The following MCC variants were observed in gnomAD, a reference collection of about 807,000 sequenced individuals.
The protein encoded by MCC is MCC regulator of Wnt signaling pathway, also known as colorectal mutant cancer protein.
MCC carries 90 observed loss-of-function variants against 116.2 expected under a neutral mutation model. That is an observed-to-expected ratio of 0.77 (90% confidence interval 0.65 to 0.92). The LOEUF is 0.92. Among genes scored for constraint, MCC ranks in the 40% least tolerant of loss-of-function variants. The pLI is 0.00. For missense variants in MCC, 1,516 were observed against 1,312.2 expected (o/e 1.16, Z -2.40); for synonymous variants, 578 against 510.5 (o/e 1.13, Z -1.78).
At chr5:113,176,957 G>C (rs1761367594) in intron 3 of MCC, among the ~76,000 whole-genome samples, 1 of 152,132 alleles carries the variant, frequency 6.6e-6, no homozygotes, top group South Asian at 2.1e-4. Context: ...TTCTCCAAAG[G>C]AAGCGTAGAC....
chr5:113,175,882 T>C (rs1051363194), intron 3 of MCC, among the ~76,000 whole-genome samples: 4 of 151,914 alleles, frequency 2.6e-5, no homozygotes, highest in African/African-American at 4.8e-5. Context: ...GTGATCAGCA[T>C]AGATCTAGAT....
At chr5:113,122,544 A>G in intron 6 of MCC, 140 bp downstream of exon 6, 1 of 859,898 alleles carries the variant, frequency 1.2e-6, no homozygotes, top group African/African-American at 1.7e-5. Flanking sequence ...TGTGTAAGGG[A>G]CTGAAATACA....
intron 3 of MCC, among the ~76,000 whole-genome samples, chr5:113,207,244 T>C (rs546541840): frequency 3.9e-5 from 6 of 152,322 alleles, no homozygotes; most frequent in Non-Finnish European, 8.8e-5. Flanking sequence ...CAAATCATTC[T>C]GCCCCTTTAA....
At chr5:113,211,880 G>C (rs1763148119) in intron 3 of MCC, among the ~76,000 whole-genome samples, 1 of 152,206 alleles carries the variant, frequency 6.6e-6, no homozygotes, top group African/African-American at 2.4e-5. Flanking sequence ...AAAAATTGGA[G>C]TAGTTATGTG....
At chr5:113,076,579 T>G (rs775483540) in intron 11 of MCC, among the ~76,000 whole-genome samples, 2 of 152,098 alleles carry the variant, frequency 1.3e-5, no homozygotes, top group African/African-American at 2.4e-5. Flanking sequence ...AAGTGAAGAA[T>G]AAATAAAATC....
intron 6 of MCC, among the ~76,000 whole-genome samples, chr5:113,113,732 C>CCACTAACCTGATAA (rs1757233288): frequency 6.7e-6 from 1 of 148,972 alleles, no homozygotes; most frequent in African/African-American, 2.5e-5. Context: ...TTCTATGATA[C>CCACTAACCTGATAA]CACTAACCTG....
intron 6 of MCC, among the ~76,000 whole-genome samples, chr5:113,120,780 T>C (rs1757690710): frequency 6.6e-6 from 1 of 152,248 alleles, no homozygotes; most frequent in Admixed American, 6.5e-5. Flanking sequence ...TCAACAGTTA[T>C]CATCTGCAAA....
At chr5:113,380,078 G>A (rs952063050) in intron 2 of MCC, among the ~76,000 whole-genome samples, 1 of 152,150 alleles carries the variant, frequency 6.6e-6, no homozygotes, top group Non-Finnish European at 1.5e-5. Flanking sequence ...TTCCTCTTCC[G>A]AGCTGAGCAT....
chr5:113,203,359 C>T (rs1233262807), intron 3 of MCC: 1 of 152,362 alleles, frequency 6.6e-6, no homozygotes, highest in African/African-American at 2.4e-5. Flanking sequence ...AACTCAGTGA[C>T]TCAGCGCTGT....
intron 2 of MCC, among the ~76,000 whole-genome samples, chr5:113,346,116 C>T (rs1056804216): frequency 1.3e-5 from 2 of 152,148 alleles, no homozygotes; most frequent in African/African-American, 4.8e-5. Context: ...TCAAACAGAT[C>T]TCTCTCCCTG....
chr5:113,078,204 A>G (rs1246890667), intron 11 of MCC, among the ~76,000 whole-genome samples: 1 of 152,248 alleles, frequency 6.6e-6, no homozygotes, highest in Non-Finnish European at 1.5e-5. Flanking sequence ...AGACAGATTC[A>G]CAGCCGAATT....
intron 3 of MCC, among the ~76,000 whole-genome samples, chr5:113,297,749 C>CAAA (rs57148050): frequency 5.9e-3 from 348 of 59,354 alleles, no homozygotes; most frequent in Middle Eastern, 0.013. Context: ...GACTCTGTCT[C>CAAA]AAAAAAAAAA....
intron 1 of MCC, among the ~76,000 whole-genome samples, chr5:113,468,067 TGAG>T (rs1771967799): frequency 6.6e-6 from 1 of 152,216 alleles, no homozygotes; most frequent in Non-Finnish European, 1.5e-5. Context: ...CTTATCAGCT[TGAG>T]GAGATTTTGG....
intron 8 of MCC, among the ~76,000 whole-genome samples, chr5:113,094,659 A>T (rs1755894875): frequency 6.6e-6 from 1 of 151,852 alleles, no homozygotes; most frequent in South Asian, 2.1e-4. Flanking sequence ...TGACCTTGTG[A>T]CCCACCCGCC....
intron 16 of MCC, among the ~76,000 whole-genome samples, chr5:113,045,519 G>T (rs980842576): frequency 2.0e-5 from 3 of 152,168 alleles, no homozygotes; most frequent in Non-Finnish European, 4.4e-5. Context: ...ATTACTAGAG[G>T]CCAGGCACAG....
chr5:113,264,651 A>G (rs952957017), intron 3 of MCC, among the ~76,000 whole-genome samples: 29 of 152,200 alleles, frequency 1.9e-4, no homozygotes, highest in Non-Finnish European at 3.4e-4. Flanking sequence ...CTACAAGGTA[A>G]AAAGAATTTT....
intron 1 of MCC, among the ~76,000 whole-genome samples, chr5:113,425,839 G>C (rs1394447349): frequency 2.6e-5 from 4 of 151,954 alleles, no homozygotes; most frequent in Non-Finnish European, 5.9e-5. Context: ...GTATAACCTC[G>C]TTCACCATGC....
intron 1 of MCC, among the ~76,000 whole-genome samples, chr5:113,452,020 C>T (rs1028303872): frequency 3.9e-5 from 6 of 152,188 alleles, no homozygotes; most frequent in African/African-American, 1.4e-4. Context: ...GGCCAGGGCA[C>T]TTCCGTTCTC....
At chr5:113,291,567 G>A (rs1015541717) in intron 3 of MCC, among the ~76,000 whole-genome samples, 1 of 152,144 alleles carries the variant, frequency 6.6e-6, no homozygotes. Context: ...CCCCTGAAAT[G>A]CCTACTAAAC....
Sources: allele counts gnomAD v4.1 joint callset (sites outside exome capture counted in the v4.1 genomes callset), GRCh38; gene constraint gnomAD v4.1.1; transcripts MANE v1.5; gene names NCBI Gene and HGNC (gene_info 2026-07-23, HGNC 2026-07-21).